KHDRBS3: variants seen among roughly 807,000 people sequenced by gnomAD.
The protein encoded by KHDRBS3 is KH RNA binding domain containing, signal transduction associated 3, also known as KH domain-containing, RNA-binding, signal transduction-associated protein 3.
Under a neutral mutation model 45.6 loss-of-function variants are expected in KHDRBS3, and 23 were observed. That is an observed-to-expected ratio of 0.50 (90% CI 0.36 to 0.72). The LOEUF (loss-of-function observed/expected upper bound fraction) is 0.72. Ranked by LOEUF, KHDRBS3 falls within the 30% of genes least tolerant of loss-of-function variation. KHDRBS3 has a pLI of 0.00. For missense variants in KHDRBS3, 352 were observed against 424.8 expected (o/e 0.83, Z 1.51); for synonymous variants, 162 against 156.5 (o/e 1.04, Z -0.26).
chr8:135,457,483 C>T lies in KHDRBS3; in HGVS notation c.-384C>T, dbSNP rs1398438676. ...AGTGCGCGGGGCGGCGCGCGGCGTG[C>T]AGGTCGCAGCTGTGGCTCGGGTGCT... is the stretch of plus-strand genomic sequence containing the variant. On this transcript the variant is annotated 5_prime_UTR_variant, in exon 1 of 9. Transcript: ENST00000355849. The surrounding 1 kb of genome is among the most constrained non-coding windows in gnomAD (Gnocchi z 4.4). 1.4e-5 allele frequency: 2 copies of T among 147,298 alleles called. No individual in the cohort carries two copies. The highest frequency in any genetic ancestry group is 1.9e-4 in the South Asian group (1 of 5,240). 9.1% of individuals were successfully genotyped at this position (147,298 alleles called of 1,614,324 possible). A position where few individuals can be genotyped will look rare whatever the true frequency, so the allele number is the denominator to read the frequency against.
At chr8:135,612,488 C>T (rs1829743947) in intron 7 of KHDRBS3, among the ~76,000 whole-genome samples, 1 of 151,846 alleles carries the variant, frequency 6.6e-6, no homozygotes, top group Non-Finnish European at 1.5e-5. Context: ...CCACTGCTGT[C>T]AAGGAGCACC....
intron 1 of KHDRBS3, among the ~76,000 whole-genome samples, chr8:135,511,266 G>A (rs1824269722): frequency 6.6e-6 from 1 of 152,174 alleles, no homozygotes; most frequent in African/African-American, 2.4e-5. Flanking sequence ...TATCTACTTT[G>A]CAGCAGTGTT....
At position 135,537,781 on chromosome 8, in the gene KHDRBS3, G is replaced by T. The variant is rs986834784; in HGVS notation, c.208-4873G>T. 2.0e-5 allele frequency among the ~76,000 whole-genome samples: 3 copies of T among 152,102 alleles called. No homozygotes were observed. In the East Asian group the frequency reaches 5.8e-4, roughly 29 times the overall value. ...TTGTAAAATGATAATTTCCATGTAAGTGAACAAATAAAATTATTAATGAAT... is the reference window on the plus strand; with the variant it reads ...TTGTAAAATGATAATTTCCATGTAATTGAACAAATAAAATTATTAATGAAT... On this transcript the variant is annotated intron_variant, in intron 2 of 8. Transcript: ENST00000355849.
chr8:135,519,165 CCTTT>C (rs1824776100), intron 1 of KHDRBS3, among the ~76,000 whole-genome samples: 3 of 152,292 alleles, frequency 2.0e-5, no homozygotes, highest in African/African-American at 7.2e-5. Flanking sequence ...TCTTAGCCAT[CCTTT>C]CTTATCTTCA....
chr8:135,513,642 A>T (rs1248341231), intron 1 of KHDRBS3, among the ~76,000 whole-genome samples: 1 of 152,164 alleles, frequency 6.6e-6, no homozygotes, highest in East Asian at 1.9e-4. Flanking sequence ...AACAATCAGC[A>T]GTGTTCAAAA....
In KHDRBS3 at chr8:135,481,223, GATAT is replaced by G. The variant is rs10529846; in HGVS notation, c.88+23294_88+23297del. Among the ~76,000 whole-genome samples the G allele has an allele frequency of 8.0e-3, 621 of 77,384 alleles. 27 individuals carry two copies. Among genetic ancestry groups the G allele is most frequent in the African/African-American group, 0.028 (571 of 20,600 alleles). 50.8% of individuals were successfully genotyped at this position (77,384 alleles called of 152,430 possible). A position where few individuals can be genotyped will look rare whatever the true frequency, so the allele number is the denominator to read the frequency against. Reference sequence around the variant, plus strand: ...TTCTTGTCTGATTCATGAAAGCCACGATATATATATATATATATATATATATATT... The same window carrying G: ...TTCTTGTCTGATTCATGAAAGCCACGATATATATATATATATATATATATT... On this transcript the variant is annotated intron_variant, in intron 1 of 8. Coordinates refer to ENST00000355849, the MANE Select transcript of KHDRBS3 (RefSeq NM_006558.3).
At chr8:135,651,056 C>A (rs138565520), downstream of KHDRBS3, among the ~76,000 whole-genome samples, 229 of 152,246 alleles carry the variant, frequency 1.5e-3, no homozygotes, top group African/African-American at 5.2e-3. Context: ...GATACATGTG[C>A]TTTCTAGGCA....
intron 2 of KHDRBS3, 104 bp downstream of exon 2, chr8:135,521,459 G>A (rs963826787): frequency 3.0e-6 from 2 of 667,578 alleles, no homozygotes; most frequent in East Asian, 2.7e-5. Context: ...TTTTCTCTTA[G>A]CATCCCCCTA....
chr8:135,542,749 T>C lies in KHDRBS3; in HGVS notation c.303T>C (p.Gly101=). The change falls in exon 3 of 9, where the codon GGT becomes GGC. Residue 101 remains glycine, a synonymous_variant. Transcript: ENST00000355849. ...CAAAAATGTCCATCCTTGGGAAAGG[T>C]TCCATGAGAGACAAGGCCAAGGTAA... The part of the protein sequence containing the change: ...TLTKMSILGK[G]SMRDKAKEEE... 1 of 1,611,962 alleles carries C rather than the reference T, an allele frequency of 6.2e-7. No homozygotes were observed. The highest frequency in any genetic ancestry group is 8.5e-7 in the Non-Finnish European group (1 of 1,178,130).
chr8:135,629,998 A>C (rs1052904124), intron 7 of KHDRBS3, among the ~76,000 whole-genome samples: 1 of 152,198 alleles, frequency 6.6e-6, no homozygotes, highest in African/African-American at 2.4e-5. Flanking sequence ...CCCTGTCAGG[A>C]GATGGTTTAT....
intron 2 of KHDRBS3, among the ~76,000 whole-genome samples, chr8:135,534,110 T>G (rs1244693982): frequency 6.6e-6 from 1 of 152,198 alleles, no homozygotes; most frequent in Non-Finnish European, 1.5e-5. Context: ...TTAAAAAAAT[T>G]CTTTATATCC....
intron 6 of KHDRBS3, among the ~76,000 whole-genome samples, chr8:135,592,011 G>T (rs1296201568): frequency 2.6e-5 from 4 of 152,260 alleles, no homozygotes; most frequent in African/African-American, 9.6e-5. Flanking sequence ...GAATTGAAAA[G>T]CCTAGGGACA....
intron 5 of KHDRBS3, among the ~76,000 whole-genome samples, chr8:135,563,013 A>AT (rs1457093785): frequency 6.6e-6 from 1 of 152,134 alleles, no homozygotes; most frequent in Non-Finnish European, 1.5e-5. Context: ...ACCTGAAGTC[A>AT]TTTTTTCTTT....
chr8:135,571,082 A>G (rs1827679352), intron 5 of KHDRBS3, among the ~76,000 whole-genome samples: 1 of 152,202 alleles, frequency 6.6e-6, no homozygotes, highest in South Asian at 2.1e-4. Flanking sequence ...CAGACAAGAA[A>G]TGCAACTAGG....
chr8:135,458,714 GC>G (rs1821257859), intron 1 of KHDRBS3: 1 of 371,312 alleles, frequency 2.7e-6, no homozygotes, highest in Non-Finnish European at 5.3e-6. Context: ...CTCATTGGTG[GC>G]TGGCTTGAGG....
At chr8:135,642,987 G>T (rs1278152195) in intron 7 of KHDRBS3, among the ~76,000 whole-genome samples, 2 of 151,870 alleles carry the variant, frequency 1.3e-5, no homozygotes, top group African/African-American at 2.4e-5. Context: ...TAGAGACAGG[G>T]TTTCACCATG....
chr8:135,612,294 C>T (rs1829737036), intron 7 of KHDRBS3, among the ~76,000 whole-genome samples: 1 of 151,874 alleles, frequency 6.6e-6, no homozygotes, highest in South Asian at 2.1e-4. Context: ...TTTAAAATCT[C>T]TTAGGAATTC....
At chr8:135,484,082 A>T (rs1384187216) in intron 1 of KHDRBS3, among the ~76,000 whole-genome samples, 2 of 152,168 alleles carry the variant, frequency 1.3e-5, no homozygotes, top group African/African-American at 4.8e-5. Flanking sequence ...TTCCTCAGTA[A>T]ATTAGAGGTA....
At chr8:135,542,363 A>C (rs1826086461) in intron 2 of KHDRBS3, 1 of 315,484 alleles carries the variant, frequency 3.2e-6, no homozygotes, top group Non-Finnish European at 5.9e-6. Flanking sequence ...CGTGTGCTGA[A>C]ACTGTTAGGA....
Sources: allele counts gnomAD v4.1 joint callset (sites outside exome capture counted in the v4.1 genomes callset), GRCh38; gene constraint gnomAD v4.1.1; non-coding constraint Gnocchi (gnomAD v3.1); transcripts MANE v1.5; gene names NCBI Gene and HGNC (gene_info 2026-07-23, HGNC 2026-07-21).